The following ZNF99 variants were observed in gnomAD, a reference collection of about 807,000 sequenced individuals.
The protein encoded by ZNF99 is zinc finger protein 99.
In ZNF99, 8 loss-of-function variants were observed where a neutral mutation model predicts 12.8. The observed-to-expected ratio is 0.62, with a 90% CI of 0.37 to 1.13. ZNF99 has a LOEUF of 1.13. Ranked by LOEUF, ZNF99 falls within the 50% of genes most tolerant of loss-of-function variation. The pLI, the probability that ZNF99 is intolerant of heterozygous loss-of-function variation, is 0.02. For synonymous variants in ZNF99, 318 were observed against 319.0 expected, an observed-to-expected ratio of 1.00 and a Z score of 0.03; for missense variants, 1,007 against 1,006.2, an observed-to-expected ratio of 1.00 and a Z score of -0.01.
intron 3 of ZNF99, among the ~76,000 whole-genome samples, chr19:22,761,277 T>A (rs891988777): frequency 6.6e-6 from 1 of 152,122 alleles, no homozygotes; most frequent in African/African-American, 2.4e-5. Context: ...GAAAATGGCT[T>A]GCTATTCACC....
Position 22,759,394 on chromosome 19 carries a change from GTTTTC to G in ZNF99, c.510_514del (p.Lys170AsnfsTer8). The G allele has an allele frequency of 6.4e-7, 1 of 1,564,488 alleles. No individual in the cohort carries two copies. The highest frequency in any genetic ancestry group is 1.4e-5 in the African/African-American group (1 of 73,710). On this transcript the variant is annotated frameshift_variant, in exon 4 of 4. Coordinates refer to ENST00000596209, the MANE Select transcript of ZNF99 (RefSeq NM_001080409.3). LOFTEE classifies it low-confidence loss of function (END_TRUNC). ...TTTGCTACATTTCATACATTTGAAA[GTTTTC>G]TTTTTAGTGTGTCTAATCTTATATC...
rs139910212 is a variant in ZNF99 at position 22,774,834 on chromosome 19, C to T, written c.4-5510G>A. Among the ~76,000 whole-genome samples, 556 of 152,062 alleles carry T rather than the reference C, an allele frequency of 3.7e-3. 4 individuals are homozygous for T. The highest frequency in any genetic ancestry group is 0.013 in the African/African-American group (528 of 41,488). The stretch of plus-strand genomic sequence containing the variant: ...GCAGTGAGCCGAGATTGTGCCATTG[C>T]ACTCCAGCCTGGGCGACAGAGCGAG... On this transcript the variant is annotated intron_variant, in intron 1 of 3. Coordinates refer to ENST00000596209, the MANE Select transcript of ZNF99 (RefSeq NM_001080409.3).
At chr19:22,769,611 C>T (rs948735240) in intron 1 of ZNF99, among the ~76,000 whole-genome samples, 9 of 151,748 alleles carry the variant, frequency 5.9e-5, no homozygotes, top group African/African-American at 1.7e-4. Context: ...ACTAAAAATA[C>T]AAAAAATTAG....
intron 1 of ZNF99, among the ~76,000 whole-genome samples, chr19:22,782,107 T>A (rs1973394102): frequency 6.6e-6 from 1 of 152,190 alleles, no homozygotes. Flanking sequence ...TATCAAAATG[T>A]ACACTAAGGA....
intron 2 of ZNF99, 46 bp from the exon 3 acceptor site, chr19:22,768,446 AAAT>A: frequency 6.7e-7 from 1 of 1,491,546 alleles, no homozygotes; most frequent in Non-Finnish European, 9.1e-7. Flanking sequence ...CATATTCCCC[AAAT>A]AATGTGCTCA....
In ZNF99 at chr19:22,754,048, T is replaced by C. The variant is rs1240442537; in HGVS notation, c.*3266A>G. 2.2e-6 allele frequency: 1 copy of C among 456,000 alleles called. No individual in the cohort carries two copies. Among genetic ancestry groups the C allele is most frequent in the Non-Finnish European group, 4.4e-6 (1 of 226,798 alleles). 28.2% of individuals were successfully genotyped at this position (456,000 alleles called of 1,614,324 possible). ...AGAGCTTCTCTCCAGTATGATTTGA[T>C]AACTTATTAAAAACTTTGCCACATT... On this transcript the variant is annotated 3_prime_UTR_variant, in exon 4 of 4. Coordinates refer to ENST00000596209, the MANE Select transcript of ZNF99 (RefSeq NM_001080409.3).
intron 1 of ZNF99, among the ~76,000 whole-genome samples, chr19:22,783,277 T>C (rs186795674): frequency 8.5e-4 from 129 of 151,398 alleles, no homozygotes; most frequent in Admixed American, 7.7e-3. Context: ...CAAAACTCCG[T>C]TTCAAAAAAA....
At chr19:22,773,166 T>A (rs373178918) in intron 1 of ZNF99, among the ~76,000 whole-genome samples, 1 of 152,220 alleles carries the variant, frequency 6.6e-6, no homozygotes, top group Non-Finnish European at 1.5e-5. Flanking sequence ...AGCATGCACT[T>A]TGCAGCACAA....
chr19:22,768,140 A>G (rs1375275206), intron 3 of ZNF99, among the ~76,000 whole-genome samples, 165 bp downstream of exon 3: 1 of 152,206 alleles, frequency 6.6e-6, no homozygotes, highest in African/African-American at 2.4e-5. Flanking sequence ...TTAAAGCATA[A>G]GACAGAAGAT....
chr19:22,769,948 A>G, intron 1 of ZNF99: 2 of 1,361,286 alleles, frequency 1.5e-6, no homozygotes, highest in Non-Finnish European at 2.0e-6. Flanking sequence ...ATCATACAGA[A>G]TAAGTCTTGT....
chr19:22,768,060 A>ACG (rs1394736816), intron 3 of ZNF99, among the ~76,000 whole-genome samples: 6 of 152,230 alleles, frequency 3.9e-5, no homozygotes, highest in African/African-American at 1.2e-4. Flanking sequence ...TATGCCATGA[A>ACG]CACAACTTTG....
chr19:22,773,460 G>A (rs1160004484), intron 1 of ZNF99, among the ~76,000 whole-genome samples: 3 of 152,106 alleles, frequency 2.0e-5, no homozygotes, highest in Admixed American at 2.0e-4. Flanking sequence ...AAAATTTATA[G>A]CACCATGTCA....
In ZNF99 at chr19:22,756,175, G is replaced by A; in HGVS notation, c.*1139C>T. On this transcript the variant is annotated 3_prime_UTR_variant, in exon 4 of 4. Transcript: ENST00000596209. ...TATGTGTATTAAGGTTTGTAAAATG[G>A]TTGAAAGCTTTGACACATTCTTCAC... 6.5e-7 allele frequency: 1 copy of A among 1,541,468 alleles called. No individual in the cohort carries two copies. The highest frequency in any genetic ancestry group is 8.8e-7 in the Non-Finnish European group (1 of 1,136,748).
rs767476127 is a variant in ZNF99, at chr19:22,758,293, C to T, written c.1616G>A (p.Cys539Tyr). 3.7e-6 allele frequency: 6 copies of T among 1,609,652 alleles called. No homozygotes were observed. Among genetic ancestry groups the T allele is most frequent in the Non-Finnish European group, 5.1e-6 (6 of 1,177,000 alleles). Residue 539 changes from cysteine (C) to tyrosine (Y), a missense_variant, in exon 4 of 4, where the codon TGT becomes TAT. By Grantham distance (194) the Cys-to-Tyr change is radical (BLOSUM62 -2). Transcript: ENST00000596209. ...GTTAAAAGCTTTGCCACATTCTTCA[C>T]ATTTGTAGGGTTTCTTTCCAGTATG... is the stretch of plus-strand genomic sequence containing the variant. ...IIHTGKKPYK[C>Y]EECGKAFNNS...
chr19:22,752,225 A>T lies in ZNF99; in HGVS notation c.*5089T>A, dbSNP rs1447430978. ...TTATTTACATTCCTATATGATTTTT[A>T]TTATGACCACAAAAATGACGCTATA... On this transcript the variant is annotated 3_prime_UTR_variant, in exon 4 of 4. Transcript: ENST00000596209. 6.6e-6 allele frequency: 1 copy of T among 152,050 alleles called. No individual in the cohort carries two copies. Among genetic ancestry groups the T allele is most frequent in the Non-Finnish European group, 1.5e-5 (1 of 68,026 alleles). The allele number at this position is 152,050 out of a possible 1,614,324, so 9.4% of individuals were successfully genotyped here.
At chr19:22,781,620 G>C (rs1568389287) in intron 1 of ZNF99, among the ~76,000 whole-genome samples, 2 of 152,024 alleles carry the variant, frequency 1.3e-5, no homozygotes, top group Non-Finnish European at 2.9e-5. Context: ...GCTGGGTTGG[G>C]TGAAGACAAT....
intron 1 of ZNF99, chr19:22,769,970 A>C (rs1166469673): frequency 1.5e-6 from 2 of 1,361,458 alleles, no homozygotes; most frequent in African/African-American, 3.0e-5. Context: ...CATTTTTCAG[A>C]CCAAAAAGAC....
At position 22,757,920 on chromosome 19, in the gene ZNF99, G is replaced by C. The variant is rs1168699344; in HGVS notation, c.1989C>G (p.His663Gln). 7 of 1,606,250 alleles carry C rather than the reference G, an allele frequency of 4.4e-6. No individual in the cohort carries two copies. The highest frequency in any genetic ancestry group is 5.9e-6 in the Non-Finnish European group (7 of 1,177,366). The change falls in exon 4 of 4, where the codon CAC becomes CAG. Residue 663 changes from histidine to glutamine, a missense_variant. Coordinates refer to ENST00000596209, the MANE Select transcript of ZNF99 (RefSeq NM_001080409.3). ...ECGKAFKWSSHLTRHKVIHTE... is the reference protein window; with the variant it reads ...ECGKAFKWSSQLTRHKVIHTE... ...TATGAATTACTTTATGTCTAGTAAGGTGTGAGGACCACTTAAAAGCTTTAC... is the reference window on the plus strand; with the variant it reads ...TATGAATTACTTTATGTCTAGTAAGCTGTGAGGACCACTTAAAAGCTTTAC...
intron 3 of ZNF99, among the ~76,000 whole-genome samples, chr19:22,763,343 C>T (rs574296709): frequency 5.9e-5 from 9 of 151,372 alleles, no homozygotes; most frequent in South Asian, 2.1e-4. Context: ...CCAACAGCGA[C>T]GAAGCAGAGA....
Sources: gnomAD v4.1 joint callset for allele counts (sites outside exome capture counted in the v4.1 genomes callset) on GRCh38, gnomAD v4.1.1 for gene constraint, MANE v1.5 for transcripts, NCBI Gene and HGNC (gene_info 2026-07-23, HGNC 2026-07-21) for gene names.